Variants in GRM7 observed in about 807,000 individuals in gnomAD.
GRM7 encodes glutamate metabotropic receptor 7, also known as metabotropic glutamate receptor 7.
A neutral mutation model predicts 84.5 loss-of-function variants in GRM7; 35 were observed. The ratio of observed to expected loss-of-function variants is 0.41; its 90% confidence interval spans 0.32 to 0.55. The LOEUF is 0.55. GRM7 is among the 20% of genes least tolerant of loss of function. The pLI is 0.19. For missense variants in GRM7, 1,003 were observed against 1,194.6 expected, an observed-to-expected ratio of 0.84 and a Z score of 2.36; for synonymous variants, 487 against 455.1, an observed-to-expected ratio of 1.07 and a Z score of -0.89.
intron 8 of GRM7, among the ~76,000 whole-genome samples, chr3:7,619,695 A>G (rs1020275339): frequency 2.0e-5 from 3 of 152,110 alleles, no homozygotes; most frequent in African/African-American, 7.2e-5. Flanking sequence ...ACTTATGGCT[A>G]GATTCAGTGT....
chr3:7,418,428 A>G (rs1266123454), intron 5 of GRM7, among the ~76,000 whole-genome samples: 5 of 152,180 alleles, frequency 3.3e-5, no homozygotes. Context: ...AATGCCATTC[A>G]TGCTGCTTCA....
At chr3:7,285,013 T>C (rs1699380143) in intron 2 of GRM7, among the ~76,000 whole-genome samples, 1 of 152,152 alleles carries the variant, frequency 6.6e-6, no homozygotes, top group African/African-American at 2.4e-5. Context: ...TGAGCAAACT[T>C]TGACCAGCAG....
chr3:7,287,438 T>A (rs530332510), intron 2 of GRM7, among the ~76,000 whole-genome samples: 1 of 152,284 alleles, frequency 6.6e-6, no homozygotes, highest in South Asian at 2.1e-4. Flanking sequence ...TGTTAACAAC[T>A]CAGTCGATCT....
At chr3:7,582,759 C>T (rs1348169311) in intron 8 of GRM7, among the ~76,000 whole-genome samples, 1 of 152,108 alleles carries the variant, frequency 6.6e-6, no homozygotes, top group Non-Finnish European at 1.5e-5. Context: ...TGAGCCAGTT[C>T]AGGATTCTTA....
chr3:7,169,580 C>T (rs567021018), intron 2 of GRM7, among the ~76,000 whole-genome samples: 19 of 152,208 alleles, frequency 1.2e-4, no homozygotes, highest in South Asian at 6.2e-4. Flanking sequence ...TAGCACATAG[C>T]GATGAAGGCA....
chr3:7,510,877 C>T lies in GRM7; in HGVS notation c.1515+49155C>T, dbSNP rs145172254. ...ATTTTCTATGGCTGTGTTTGCGCGG[C>T]AGTGGCAGAGTGGAATAACTGTGAC... On this transcript the variant is annotated intron_variant, in intron 7 of 9. Coordinates refer to ENST00000357716, the MANE Select transcript of GRM7 (RefSeq NM_000844.4). Among the ~76,000 whole-genome samples, 478 of 152,260 alleles carry T rather than the reference C, an allele frequency of 3.1e-3. 2 individuals are homozygous for T. The highest frequency in any genetic ancestry group is 0.011 in the African/African-American group (451 of 41,560).
intron 2 of GRM7, among the ~76,000 whole-genome samples, chr3:7,176,644 C>G (rs1204636635): frequency 6.6e-6 from 1 of 152,156 alleles, no homozygotes; most frequent in Admixed American, 6.5e-5. Flanking sequence ...TTTTACCCTT[C>G]CAGGCACCCA....
chr3:7,719,442 A>G (rs1040821752), intron 9 of GRM7, among the ~76,000 whole-genome samples: 1 of 152,150 alleles, frequency 6.6e-6, no homozygotes, highest in Non-Finnish European at 1.5e-5. Flanking sequence ...TTGAAGATCA[A>G]TTTCAGAGTT....
At chr3:7,164,295 G>T (rs946894784) in intron 2 of GRM7, among the ~76,000 whole-genome samples, 1 of 152,154 alleles carries the variant, frequency 6.6e-6, no homozygotes, top group African/African-American at 2.4e-5. Context: ...GGAGGCAGAG[G>T]TTGCAGTGAG....
chr3:7,568,227 T>C lies in GRM7; in HGVS notation c.1516-10195T>C, dbSNP rs117255124. Reference sequence around the variant, plus strand: ...CAGAAGGGTCCTTGTGTACTCTCAATAGTGCATCACAATATCAAGAATTAA... The same window carrying C: ...CAGAAGGGTCCTTGTGTACTCTCAACAGTGCATCACAATATCAAGAATTAA... On this transcript the variant is annotated intron_variant, in intron 7 of 9. Transcript: ENST00000357716. 1.4e-4 allele frequency among the ~76,000 whole-genome samples: 22 copies of C among 151,888 alleles called. No homozygotes were observed. The East Asian group carries it at 4.3e-3, about 29-fold the overall frequency.
At chr3:7,452,509 C>T in intron 5 of GRM7, 98 bp from the exon 6 acceptor site, 1 of 834,386 alleles carries the variant, frequency 1.2e-6, no homozygotes, top group South Asian at 1.5e-5. Flanking sequence ...TTTCTTTAAG[C>T]ATAATTGAAA....
intron 2 of GRM7, among the ~76,000 whole-genome samples, chr3:7,156,323 T>C (rs1337845622): frequency 6.6e-6 from 1 of 152,216 alleles, no homozygotes; most frequent in Admixed American, 6.5e-5. Flanking sequence ...TCTGGAATAT[T>C]CCCTTAATGT....
At chr3:7,238,738 T>C (rs567206363) in intron 2 of GRM7, among the ~76,000 whole-genome samples, 15 of 150,672 alleles carry the variant, frequency 1.0e-4, no homozygotes, top group South Asian at 2.1e-4. Flanking sequence ...TCTTTTCTTT[T>C]TTTTCTTTTC....
At chr3:7,466,845 G>C (rs572143562) in intron 7 of GRM7, among the ~76,000 whole-genome samples, 19 of 152,064 alleles carry the variant, frequency 1.2e-4, no homozygotes, top group African/African-American at 4.6e-4. Context: ...GACTTTTTCT[G>C]GTGATTTGTT....
chr3:7,520,693 A>G (rs1700562865), intron 7 of GRM7, among the ~76,000 whole-genome samples: 1 of 152,196 alleles, frequency 6.6e-6, no homozygotes, highest in Admixed American at 6.5e-5. Context: ...GCCCTTGTTT[A>G]AGACTCATAA....
chr3:7,246,927 A>G (rs1296170546), intron 2 of GRM7, among the ~76,000 whole-genome samples: 1 of 152,156 alleles, frequency 6.6e-6, no homozygotes, highest in Non-Finnish European at 1.5e-5. Flanking sequence ...ACATAAATCT[A>G]TAGTAATCAA....
At chr3:7,137,202 A>G (rs1288693870) in intron 1 of GRM7, among the ~76,000 whole-genome samples, 1 of 152,124 alleles carries the variant, frequency 6.6e-6, no homozygotes, top group Non-Finnish European at 1.5e-5. Flanking sequence ...CATTTTAACT[A>G]TTCTTGAAAT....
intron 7 of GRM7, among the ~76,000 whole-genome samples, chr3:7,467,894 A>AT (rs2124918356): frequency 6.6e-6 from 1 of 152,300 alleles, no homozygotes; most frequent in South Asian, 2.1e-4. Context: ...TTAAGCAGAA[A>AT]TTTTTTAGAT....
At chr3:7,703,374 A>G (rs1374092785) in intron 9 of GRM7, among the ~76,000 whole-genome samples, 2 of 152,088 alleles carry the variant, frequency 1.3e-5, no homozygotes. Context: ...AAGAAAGACA[A>G]GGGTCCTCAT....
Sources: gnomAD v4.1 joint callset for allele counts (sites outside exome capture counted in the v4.1 genomes callset) on GRCh38, gnomAD v4.1.1 for gene constraint, MANE v1.5 for transcripts, NCBI Gene and HGNC (gene_info 2026-07-23, HGNC 2026-07-21) for gene names.